Variants in SPECC1 observed in about 807,000 individuals in gnomAD.
SPECC1 encodes the protein sperm antigen with calponin homology and coiled-coil domains 1.
In SPECC1, 62 loss-of-function variants were observed where a neutral mutation model predicts 104.1. The observed-to-expected ratio is 0.60, with a 90% CI of 0.49 to 0.74. The LOEUF (loss-of-function observed/expected upper bound fraction) is 0.74, where lower values mean the gene tolerates loss of function less well. Ranked by LOEUF, SPECC1 falls within the 30% of genes least tolerant of loss-of-function variation. SPECC1 has a pLI of 0.00. For missense variants in SPECC1, 1,306 were observed against 1,310.5 expected (o/e 1.00, Z 0.05); for synonymous variants, 513 against 501.6 (o/e 1.02, Z -0.30).
intron 1 of SPECC1, among the ~76,000 whole-genome samples, chr17:20,015,562 A>G (rs1414039493): frequency 6.4e-5 from 8 of 124,878 alleles, no homozygotes; most frequent in Non-Finnish European, 1.4e-4. Flanking sequence ...TGATTATCAT[A>G]TTTTTAACTT....
At chr17:20,221,433 C>T (rs1349304573) in intron 4 of SPECC1, among the ~76,000 whole-genome samples, 1 of 152,052 alleles carries the variant, frequency 6.6e-6, no homozygotes, top group Non-Finnish European at 1.5e-5. Context: ...TCTAGGTTTT[C>T]CAATTTATTG....
intron 1 of SPECC1, among the ~76,000 whole-genome samples, chr17:20,042,197 T>C (rs1393165513): frequency 1.3e-5 from 2 of 152,340 alleles, no homozygotes; most frequent in East Asian, 3.9e-4. Context: ...ATCCAGGCTT[T>C]CCGCTCTGCT....
At chr17:20,019,962 C>A (rs2044307989) in intron 1 of SPECC1, among the ~76,000 whole-genome samples, 1 of 152,146 alleles carries the variant, frequency 6.6e-6, no homozygotes, top group African/African-American at 2.4e-5. Flanking sequence ...GAGGAATGAA[C>A]AGTAAGTCAT....
At chr17:20,106,081 C>T (rs1013407665) in intron 2 of SPECC1, among the ~76,000 whole-genome samples, 1 of 152,158 alleles carries the variant, frequency 6.6e-6, no homozygotes, top group Non-Finnish European at 1.5e-5. Context: ...AAAGCAGAAT[C>T]CACCGTGTAT....
At chr17:20,087,760 A>G (rs2047231642) in intron 1 of SPECC1, among the ~76,000 whole-genome samples, 1 of 152,250 alleles carries the variant, frequency 6.6e-6, no homozygotes, top group East Asian at 1.9e-4. Flanking sequence ...ACAGGAAGGC[A>G]GATAACCCAT....
At chr17:20,028,103 A>C (rs961708477) in intron 1 of SPECC1, among the ~76,000 whole-genome samples, 1 of 152,164 alleles carries the variant, frequency 6.6e-6, no homozygotes, top group East Asian at 1.9e-4. Context: ...ATATGGTGTG[A>C]TGGAGGGTCC....
chr17:20,230,238 T>C (rs1234255653), intron 5 of SPECC1, among the ~76,000 whole-genome samples: 3 of 152,182 alleles, frequency 2.0e-5, no homozygotes, highest in African/African-American at 7.2e-5. Flanking sequence ...GTTTGCTGAT[T>C]TGGTGTGCAT....
intron 1 of SPECC1, among the ~76,000 whole-genome samples, chr17:20,078,577 CAATGGGAACAAAAATTA>C (rs1332250793): frequency 1.3e-5 from 2 of 152,046 alleles, no homozygotes; most frequent in African/African-American, 4.8e-5. Context: ...CAATCATAAC[CAATGGGAACAAAAATTA>C]GTAAAGCTTT....
rs2042032549 is a variant in SPECC1 at position 20,315,767 on chromosome 17, A to C, written c.*1702A>C. 4.3e-6 allele frequency: 1 copy of C among 232,462 alleles called. No homozygotes were observed. The highest frequency in any genetic ancestry group is 2.2e-5 in the African/African-American group (1 of 45,288). 14.4% of individuals were successfully genotyped at this position (232,462 alleles called of 1,614,324 possible). A position where few individuals can be genotyped will look rare whatever the true frequency, so the allele number is the denominator to read the frequency against. On this transcript the variant is annotated 3_prime_UTR_variant, in exon 15 of 15. Coordinates refer to ENST00000395527, the MANE Select transcript of SPECC1 (RefSeq NM_001243439.2). ...TGGCAACTGGGCTGCACGGGTCAGC[A>C]GATCCCTGATTCTCAAGCCACCTTG... is the stretch of plus-strand genomic sequence containing the variant.
chr17:20,304,033 A>G (rs2041678887), intron 13 of SPECC1, among the ~76,000 whole-genome samples: 1 of 143,542 alleles, frequency 7.0e-6, no homozygotes, highest in Non-Finnish European at 1.5e-5. Context: ...GCACTTTGGG[A>G]GGCTGAGGTA....
rs561630682 is a variant in SPECC1 at position 20,214,504 on chromosome 17, T to C, written c.1863+8592T>C. On this transcript the variant is annotated intron_variant, in intron 4 of 14. Transcript: ENST00000395527. ...AAGATGAGGGCTGGAAAGACATTCA[T>C]TTTATTTACTTATTTATTTTTGAGA... Among the ~76,000 whole-genome samples, 13 of 152,068 alleles carry C rather than the reference T, an allele frequency of 8.5e-5. No homozygotes were observed. The South Asian group carries it at 2.5e-3, about 29-fold the overall frequency.
At chr17:20,075,724 T>C (rs1255222944) in intron 1 of SPECC1, among the ~76,000 whole-genome samples, 2 of 152,110 alleles carry the variant, frequency 1.3e-5, no homozygotes, top group Non-Finnish European at 2.9e-5. Flanking sequence ...AACAGGTAGA[T>C]CGCTTGAGCT....
At chr17:20,127,861 T>C (rs1374869205) in intron 3 of SPECC1, among the ~76,000 whole-genome samples, 1 of 152,068 alleles carries the variant, frequency 6.6e-6, no homozygotes, top group East Asian at 1.9e-4. Flanking sequence ...CTTCTGTGCA[T>C]GCAGGCAAGG....
Position 20,191,706 on chromosome 17 carries a change from T to C in SPECC1, c.284-12627T>C, listed in dbSNP as rs557014099. ...ATGTTCCCCTCCCTGTGTCCATGTG[T>C]TCTCATTGTTCAGCTCCTACTTATG... is the stretch of plus-strand genomic sequence containing the variant. On this transcript the variant is annotated intron_variant, in intron 3 of 14. Coordinates refer to ENST00000395527, the MANE Select transcript of SPECC1 (RefSeq NM_001243439.2). Among the ~76,000 whole-genome samples, 3 of 152,062 alleles carry C rather than the reference T, an allele frequency of 2.0e-5. No homozygotes were observed. The East Asian group carries it at 5.8e-4, about 29-fold the overall frequency.
In SPECC1 at chr17:20,232,383, G is replaced by A; in HGVS notation, c.2329G>A (p.Val777Ile). 2 of 1,611,886 alleles carry A rather than the reference G, an allele frequency of 1.2e-6. No individual in the cohort carries two copies. Among genetic ancestry groups the A allele is most frequent in the Non-Finnish European group, 1.7e-6 (2 of 1,178,964 alleles). ...LGDVQGHGRV[V>I]TSRAAPPPVD... ...GGATGTGCAGGGCCACGGCAGGGTG[G>A]TCACCAGCAGAGCCGCCCCTCCGTG... The change falls in exon 7 of 15, where the codon GTC (valine) becomes ATC (isoleucine). Residue 777 changes from valine to isoleucine, a missense_variant. Coordinates refer to ENST00000395527, the MANE Select transcript of SPECC1 (RefSeq NM_001243439.2).
chr17:20,026,089 G>A (rs2044589050), intron 1 of SPECC1, among the ~76,000 whole-genome samples: 2 of 151,084 alleles, frequency 1.3e-5, no homozygotes, highest in African/African-American at 4.8e-5. Context: ...AGTTGTAGGA[G>A]TTCTTTATAT....
chr17:20,282,990 G>A (rs1215408405), intron 12 of SPECC1, among the ~76,000 whole-genome samples: 3 of 152,004 alleles, frequency 2.0e-5, no homozygotes, highest in Non-Finnish European at 4.4e-5. Context: ...ACCAGCCTGG[G>A]CAACATAGTG....
intron 1 of SPECC1, among the ~76,000 whole-genome samples, chr17:20,023,356 G>C (rs2044469566): frequency 6.6e-6 from 1 of 152,128 alleles, no homozygotes; most frequent in African/African-American, 2.4e-5. Context: ...TTTTGCTAAT[G>C]AATACATGGT....
At chr17:20,174,023 C>G (rs1296893999) in intron 3 of SPECC1, among the ~76,000 whole-genome samples, 3 of 150,506 alleles carry the variant, frequency 2.0e-5, no homozygotes, top group Non-Finnish European at 3.0e-5. Context: ...ATCTCCACCT[C>G]CCAGGTTCAA....
Sources: allele counts gnomAD v4.1 joint callset (sites outside exome capture counted in the v4.1 genomes callset), GRCh38; gene constraint gnomAD v4.1.1; transcripts MANE v1.5; gene names NCBI Gene and HGNC (gene_info 2026-07-23, HGNC 2026-07-21).